UBR4: variants seen among roughly 807,000 people sequenced by gnomAD.
UBR4 encodes the protein ubiquitin protein ligase E3 component n-recognin 4.
Under a neutral mutation model 575.6 loss-of-function variants are expected in UBR4, and 124 were observed. The ratio of observed to expected loss-of-function variants is 0.22; its 90% CI spans 0.19 to 0.25. UBR4 has a LOEUF of 0.25. UBR4 is among the 10% of genes least tolerant of loss of function. The probability of loss-of-function intolerance (pLI) is 1.00; values close to 1 mark genes in which losing one functional copy is unlikely to be tolerated. For synonymous variants in UBR4, 2,455 were observed against 2,473.7 expected (o/e 0.99, Z 0.22); for missense variants, 4,818 against 6,478.8 (o/e 0.74, Z 8.80).
chr1:19,197,109 A>C (rs2092504415), intron 8 of UBR4, 32 bp downstream of exon 8: 1 of 1,609,962 alleles, frequency 6.2e-7, no homozygotes, highest in African/African-American at 1.3e-5. Flanking sequence ...TGCTTGACTG[A>C]GAAAATGAGA....
Position 19,112,794 on chromosome 1 carries a change from C to T in UBR4, c.11531G>A (p.Arg3844Gln), listed in dbSNP as rs369085161. Residue 3844 changes from arginine to glutamine, a missense_variant, in exon 78 of 106, where the codon CGG (arginine) becomes CAG (glutamine). Around this residue, in one of 29 missense-constraint regions of UBR4, gnomAD observed 333 missense variants for 459.2 expected, o/e 0.73. Coordinates refer to ENST00000375254, the MANE Select transcript of UBR4 (RefSeq NM_020765.3). ...QQREAATKSS[R>Q]TSVQPTFTAS... ...AGTGAATGTGGGCTGCACGGAGGTCCGGGATGATTTAGTGGCTGCTTCCCT... is the reference window on the plus strand; with the variant it reads ...AGTGAATGTGGGCTGCACGGAGGTCTGGGATGATTTAGTGGCTGCTTCCCT... The T allele has an allele frequency of 1.3e-5, 21 of 1,614,008 alleles. No homozygotes were observed. The highest frequency in any genetic ancestry group is 1.5e-5 in the Non-Finnish European group (18 of 1,180,002).
chr1:19,126,770 G>T, intron 63 of UBR4, 115 bp from the exon 64 acceptor site: 1 of 1,122,096 alleles, frequency 8.9e-7, no homozygotes, highest in Non-Finnish European at 1.3e-6. Flanking sequence ...TTTTATGGCA[G>T]TGAGTGAATC....
At chr1:19,143,257 AGGAAG>A (rs2084283094) in intron 55 of UBR4, among the ~76,000 whole-genome samples, 1 of 80,756 alleles carries the variant, frequency 1.2e-5, no homozygotes, top group African/African-American at 4.0e-5. Flanking sequence ...GAAGGAAGGA[AGGAAG>A]AAAGAAAGAA....
chr1:19,092,727 C>CTCA (rs1355798123), intron 97 of UBR4, 92 bp downstream of exon 97: 10 of 1,039,814 alleles, frequency 9.6e-6, no homozygotes, highest in Admixed American at 2.8e-5. Flanking sequence ...CTCTAGAAGT[C>CTCA]TCATATATTA....
Position 19,151,752 on chromosome 1 carries a change from G to C in UBR4, c.7104C>G (p.Ile2368Met). Residue 2368 changes from isoleucine (I) to methionine (M), a missense_variant, in exon 48 of 106, where the codon ATC (isoleucine) becomes ATG (methionine). Physicochemically the swap from Ile to Met is conservative, Grantham distance 10. This residue lies in a region of UBR4 where 461 missense variants were observed against 606.9 expected (regional missense o/e 0.76). Coordinates refer to ENST00000375254, the MANE Select transcript of UBR4 (RefSeq NM_020765.3). ...GCTGCATAGTTCTGCCGAAGATCTC[G>C]ATATATGACGGGGCCCGTTCTATTG... ...TQAIERAPSY[I>M]EIFGRTMQLN... 6.2e-7 allele frequency: 1 copy of C among 1,614,182 alleles called. No homozygotes were observed. Among genetic ancestry groups the C allele is most frequent in the Non-Finnish European group, 8.5e-7 (1 of 1,180,018 alleles).
At chr1:19,099,529 T>G in intron 90 of UBR4, 68 bp downstream of exon 90, 1 of 1,405,150 alleles carries the variant, frequency 7.1e-7, no homozygotes, top group South Asian at 1.2e-5. Context: ...CAATGGCTCC[T>G]GCTGGTACAA....
At chr1:19,144,126 T>C in intron 54 of UBR4, 35 bp from the exon 55 acceptor site, 4 of 1,575,170 alleles carry the variant, frequency 2.5e-6, no homozygotes, top group Non-Finnish European at 3.5e-6. Context: ...CGCTTTGCTC[T>C]CATATTATTC....
In UBR4 at chr1:19,117,112, AT is replaced by A; in HGVS notation, c.10823+108del. ...ATGAATGGAGGGGCCAAGAGGATGT[AT>A]TAGGCCTCTAGGGATGTGCTGCCTT... On this transcript the variant is annotated intron_variant, in intron 73 of 105. Transcript: ENST00000375254. This position sits in a 1 kb window ranked among gnomAD's most constrained non-coding sequence, Gnocchi z 4.0. 1 of 1,221,838 alleles carries A rather than the reference AT, an allele frequency of 8.2e-7. No individual in the cohort carries two copies. The allele number at this position is 1,221,838 out of a possible 1,614,324, so 75.7% of individuals were successfully genotyped here.
chr1:19,132,025 G>A (rs1431362574), intron 60 of UBR4, among the ~76,000 whole-genome samples: 1 of 152,048 alleles, frequency 6.6e-6, no homozygotes, highest in East Asian at 1.9e-4. Context: ...ATGGGCCAAA[G>A]ACTAAATTAC....
rs375167690 is a variant in UBR4, at chr1:19,121,397, C to G, written c.9933G>C (p.Val3311=). ...GCAGCACTGGGGACACGCCCTCATC[C>G]ACAAGGAAACTGACTTGGAGGAGGA... The part of the protein sequence containing the change: ...LYFLLQVSFL[V]DEGVSPVLLQ... Residue 3311 remains valine (V), a synonymous_variant, in exon 68 of 106, where the codon GTG becomes GTC. Coordinates refer to ENST00000375254, the MANE Select transcript of UBR4 (RefSeq NM_020765.3). 14 of 1,613,942 alleles carry G rather than the reference C, an allele frequency of 8.7e-6. No individual in the cohort carries two copies. The highest frequency in any genetic ancestry group is 1.2e-5 in the Non-Finnish European group (14 of 1,179,986).
rs1301858860 is a variant in UBR4, at chr1:19,150,608, G to T, written c.7399C>A (p.Pro2467Thr). Residue 2467 changes from proline to threonine, a missense_variant, in exon 49 of 106, where the codon CCC becomes ACC. Pro to Thr is a conservative substitution (Grantham distance 38). Around this residue, in one of 29 missense-constraint regions of UBR4, gnomAD observed 340 missense variants for 375.4 expected, o/e 0.91. Coordinates refer to ENST00000375254, the MANE Select transcript of UBR4 (RefSeq NM_020765.3). ...NGTGDSDSAA[P>T]TTTSGTVLER... ...AGGACAGTTCCACTGGTCGTAGTGG[G>T]GGCAGCTGAGTCGCTATCTCCAGTG... 1 of 1,613,640 alleles carries T rather than the reference G, an allele frequency of 6.2e-7. No individual in the cohort carries two copies. The highest frequency in any genetic ancestry group is 1.7e-5 in the Admixed American group (1 of 60,006).
chr1:19,207,294 C>A lies in UBR4; in HGVS notation c.176+2779G>T, dbSNP rs544004037. On this transcript the variant is annotated intron_variant, in intron 1 of 105. Transcript: ENST00000375254. ...TATAGCTTCCTATGCAAGACATACT[C>A]CCACAATTCTGAGACCTTTACTTTT... 2.6e-3 allele frequency among the ~76,000 whole-genome samples: 399 copies of A among 152,340 alleles called. 2 individuals carry two copies. Among genetic ancestry groups the A allele is most frequent in the African/African-American group, 8.9e-3 (370 of 41,576 alleles).
In UBR4 at chr1:19,168,152, T is replaced by G; in HGVS notation, c.3774A>C (p.Ser1258=). The G allele has an allele frequency of 6.3e-7, 1 of 1,597,582 alleles. No homozygotes were observed. The highest frequency in any genetic ancestry group is 8.6e-7 in the Non-Finnish European group (1 of 1,168,414). ...RNAFANDTIP[S]ESYISAVQAA... ...CCTGCACTGCACTAATATAACTCTC[T>G]GAAGGGATGGTGTCATTGGCAAAGG... is the stretch of plus-strand genomic sequence containing the variant. The change falls in exon 28 of 106, where the codon TCA becomes TCC. Residue 1258 remains serine (S), a synonymous_variant. Transcript: ENST00000375254.
In UBR4 at chr1:19,206,491, C is replaced by T. The variant is rs559408676; in HGVS notation, c.176+3582G>A. Among the ~76,000 whole-genome samples, 41 of 152,226 alleles carry T rather than the reference C, an allele frequency of 2.7e-4. No individual in the cohort carries two copies. The South Asian group carries it at 7.0e-3, about 26-fold the overall frequency. On this transcript the variant is annotated intron_variant, in intron 1 of 105. Transcript: ENST00000375254. Reference sequence around the variant, plus strand: ...TGGGCATTACAGGCGCGCGCCACCACGCCCAGCTAATTTTTTGTATTTTTA... The same window carrying T: ...TGGGCATTACAGGCGCGCGCCACCATGCCCAGCTAATTTTTTGTATTTTTA...
intron 44 of UBR4, among the ~76,000 whole-genome samples, 189 bp downstream of exon 44, chr1:19,154,729 G>A (rs114874414): frequency 0.02 from 3,009 of 152,258 alleles, 40 homozygotes; most frequent in South Asian, 0.055. Context: ...AGGACAAACC[G>A]TGCAGACAAC....
At chr1:19,172,345 C>A (rs926004615) in intron 25 of UBR4, among the ~76,000 whole-genome samples, 1 of 151,950 alleles carries the variant, frequency 6.6e-6, no homozygotes, top group Non-Finnish European at 1.5e-5. Flanking sequence ...GGCGAAACCC[C>A]GTCTCTACTA....
intron 102 of UBR4, among the ~76,000 whole-genome samples, chr1:19,084,219 A>G (rs1371624720): frequency 1.3e-5 from 2 of 152,160 alleles, no homozygotes; most frequent in Non-Finnish European, 2.9e-5. Context: ...GACTTTTCCC[A>G]CTTCCTGCTC....
Position 19,210,231 on chromosome 1 carries a change from G to A in UBR4, c.18C>T (p.Gly6=). MATSG[G]EEAAAAAPAP... Reference sequence around the variant, plus strand: ...CCGGAGCCGCTGCCGCCGCCTCTTCGCCGCCGCTCGTCGCCATCTTCCGTC... The same window carrying A: ...CCGGAGCCGCTGCCGCCGCCTCTTCACCGCCGCTCGTCGCCATCTTCCGTC... The change falls in exon 1 of 106, where the codon GGC becomes GGT. Residue 6 remains glycine, a synonymous_variant. Transcript: ENST00000375254. 7.0e-7 allele frequency: 1 copy of A among 1,429,302 alleles called. No homozygotes were observed. The highest frequency in any genetic ancestry group is 9.1e-7 in the Non-Finnish European group (1 of 1,094,146). The allele number at this position is 1,429,302 out of a possible 1,614,324, so 88.5% of individuals were successfully genotyped here.
In UBR4 at chr1:19,095,162, G is replaced by A. The variant is rs938642871; in HGVS notation, c.13627-137C>T. On this transcript the variant is annotated intron_variant, in intron 93 of 105. Transcript: ENST00000375254. Reference sequence around the variant, plus strand: ...TGTATGACCGTGTGTATGTATGTGCGTGTATATGCATGTTCTGAGAGGGAG... The same window carrying A: ...TGTATGACCGTGTGTATGTATGTGCATGTATATGCATGTTCTGAGAGGGAG... 4.1e-5 allele frequency: 53 copies of A among 1,287,846 alleles called. 1 individual carries two copies. Among genetic ancestry groups the A allele is most frequent in the South Asian group, 3.0e-4 (22 of 74,064 alleles). The allele number at this position is 1,287,846 out of a possible 1,614,324, so 79.8% of individuals were successfully genotyped here. A position where few individuals can be genotyped will look rare whatever the true frequency, so the allele number is the denominator to read the frequency against.
Sources: gnomAD v4.1 joint callset for allele counts (sites outside exome capture counted in the v4.1 genomes callset) on GRCh38, gnomAD v4.1.1 for gene constraint, gnomAD v4.1.1 regional missense constraint, Gnocchi (gnomAD v3.1) non-coding constraint, MANE v1.5 for transcripts, NCBI Gene and HGNC (gene_info 2026-07-23, HGNC 2026-07-21) for gene names.